The following PRKAG2 variants were observed in gnomAD, a reference collection of about 807,000 sequenced individuals.
The protein encoded by PRKAG2 is 5'-AMP-activated protein kinase subunit gamma-2.
A neutral mutation model predicts 69.6 loss-of-function variants in PRKAG2; 26 were observed. The observed-to-expected ratio is 0.37, with a 90% confidence interval of 0.27 to 0.52. PRKAG2 has a LOEUF of 0.52. Ranked by LOEUF, PRKAG2 falls within the 20% of genes least tolerant of loss-of-function variation. PRKAG2 has a pLI of 0.90. For missense variants in PRKAG2, 557 were observed against 740.0 expected, an observed-to-expected ratio of 0.75 and a Z score of 2.87; for synonymous variants, 293 against 285.0, an observed-to-expected ratio of 1.03 and a Z score of -0.28.
chr7:151,784,990 A>T (rs895695248), intron 2 of PRKAG2, among the ~76,000 whole-genome samples: 1 of 152,236 alleles, frequency 6.6e-6, no homozygotes, highest in African/African-American at 2.4e-5. Flanking sequence ...TGCAGATAAC[A>T]GGCGCCAGCT....
At chr7:151,684,888 G>GT (rs1834484746) in intron 3 of PRKAG2, among the ~76,000 whole-genome samples, 1 of 152,148 alleles carries the variant, frequency 6.6e-6, no homozygotes, top group South Asian at 2.1e-4. Flanking sequence ...CCAGTCCCTG[G>GT]TTTCTCATCA....
chr7:151,609,893 C>G (rs1818366141), intron 5 of PRKAG2, among the ~76,000 whole-genome samples: 1 of 152,230 alleles, frequency 6.6e-6, no homozygotes. Context: ...TTGGGGCTCC[C>G]TCACCACACG....
chr7:151,827,558 T>C (rs935170303), intron 1 of PRKAG2, among the ~76,000 whole-genome samples: 2 of 152,018 alleles, frequency 1.3e-5, no homozygotes, highest in Non-Finnish European at 2.9e-5. Flanking sequence ...GTTTATTAAA[T>C]GTCCCTCAGG....
chr7:151,787,603 T>C (rs1053595096), intron 1 of PRKAG2, among the ~76,000 whole-genome samples: 5 of 152,190 alleles, frequency 3.3e-5, no homozygotes, highest in South Asian at 2.1e-4. Flanking sequence ...CATTCATCAG[T>C]TGATGGACAT....
At chr7:151,720,518 A>C (rs1796880890) in intron 3 of PRKAG2, among the ~76,000 whole-genome samples, 1 of 151,434 alleles carries the variant, frequency 6.6e-6, no homozygotes, top group African/African-American at 2.4e-5. Flanking sequence ...ACAGACCTTG[A>C]CACCCTGAAG....
At chr7:151,617,266 A>AGGAGGGAGGGAGGGAG (rs144872514) in intron 5 of PRKAG2, among the ~76,000 whole-genome samples, 2,523 of 96,216 alleles carry the variant, frequency 0.026, 208 homozygotes, top group African/African-American at 0.11. Context: ...GAGCGAGGGA[A>AGGAGGGAGGGAGGGAG]GGAGGGAGGG....
rs555504862 is a variant in PRKAG2, at chr7:151,633,857, G to GT, written c.685-1720dup. Among the ~76,000 whole-genome samples the GT allele has an allele frequency of 5.6e-4, 85 of 152,014 alleles. 1 individual carries two copies. In the South Asian group the frequency reaches 0.015, roughly 26 times the overall value. ...TTAATGCAATTGCTACCAAATTAGG[G>GT]TTTTTTTTAAAGACATAAATAAGCT... On this transcript the variant is annotated intron_variant, in intron 4 of 15. Coordinates refer to ENST00000287878, the MANE Select transcript of PRKAG2 (RefSeq NM_016203.4).
chr7:151,588,839 G>A (rs116794899), intron 6 of PRKAG2, among the ~76,000 whole-genome samples: 3,806 of 152,244 alleles, frequency 0.025, 136 homozygotes, highest in African/African-American at 0.087. Context: ...TCTCAGGTAT[G>A]TCTTTATTGG....
intron 4 of PRKAG2, among the ~76,000 whole-genome samples, chr7:151,656,430 C>T (rs1400780436): frequency 2.6e-5 from 4 of 152,020 alleles, no homozygotes; most frequent in Admixed American, 2.6e-4. Context: ...GTGGTGTGCA[C>T]CTGTAATCCC....
At chr7:151,577,791 TATG>T (rs777368352) in intron 6 of PRKAG2, among the ~76,000 whole-genome samples, 59 of 152,136 alleles carry the variant, frequency 3.9e-4, no homozygotes, top group Non-Finnish European at 2.9e-4. Context: ...TTAACATAAT[TATG>T]ATGTTTTCAT....
chr7:151,852,603 T>G (rs1586723245), intron 1 of PRKAG2, among the ~76,000 whole-genome samples: 2 of 152,026 alleles, frequency 1.3e-5, no homozygotes, highest in Middle Eastern at 6.8e-3. Context: ...AGCACCCCAT[T>G]GTTAATGGGG....
intron 3 of PRKAG2, among the ~76,000 whole-genome samples, chr7:151,700,750 G>C (rs569862276): frequency 2.1e-3 from 316 of 152,144 alleles, no homozygotes; most frequent in African/African-American, 7.2e-3. Context: ...TAGCTTCCAG[G>C]CTTCCCCTTA....
chr7:151,669,727 TAC>T (rs764721269), intron 4 of PRKAG2, among the ~76,000 whole-genome samples: 1 of 145,352 alleles, frequency 6.9e-6, no homozygotes, highest in African/African-American at 2.5e-5. Context: ...TACCACCACC[TAC>T]ACACACACCT....
intron 3 of PRKAG2, among the ~76,000 whole-genome samples, chr7:151,758,902 TGAG>T (rs893291721): frequency 3.9e-5 from 6 of 152,170 alleles, no homozygotes; most frequent in African/African-American, 1.4e-4. Flanking sequence ...AGGAGGTCTC[TGAG>T]GAGGCGGGAG....
intron 3 of PRKAG2, among the ~76,000 whole-genome samples, chr7:151,730,363 C>A (rs1398647605): frequency 2.0e-5 from 3 of 152,170 alleles, no homozygotes; most frequent in Non-Finnish European, 4.4e-5. Flanking sequence ...CTCCCTACTT[C>A]TGTATTCTTT....
Position 151,632,041 on chromosome 7 carries a change from G to A in PRKAG2, c.754+28C>T. 3 of 1,333,564 alleles carry A rather than the reference G, an allele frequency of 2.2e-6. No homozygotes were observed. Among genetic ancestry groups the A allele is most frequent in the Non-Finnish European group, 1.9e-6 (2 of 1,030,322 alleles). The allele number at this position is 1,333,564 out of a possible 1,614,324, so 82.6% of individuals were successfully genotyped here. On this transcript the variant is annotated intron_variant, in intron 5 of 15. Transcript: ENST00000287878. The surrounding 1 kb of genome is among the most constrained non-coding windows in gnomAD (Gnocchi z 4.2). ...CGGGCGGCCGGGCCGTGGGAGCGCC[G>A]GGCCGGCAGCGGGCGGGGCGCACTC...
chr7:151,623,660 T>C (rs1822107671), intron 5 of PRKAG2, among the ~76,000 whole-genome samples: 1 of 152,218 alleles, frequency 6.6e-6, no homozygotes, highest in African/African-American at 2.4e-5. Flanking sequence ...TATTATTATT[T>C]CCAAGTTACA....
At chr7:151,723,090 G>A (rs184553707) in intron 3 of PRKAG2, among the ~76,000 whole-genome samples, 51 of 152,270 alleles carry the variant, frequency 3.3e-4, no homozygotes, top group Middle Eastern at 3.4e-3. Flanking sequence ...CCACAGCCCC[G>A]GCTCTGAGAG....
chr7:151,783,272 G>A (rs1365030687), intron 2 of PRKAG2, among the ~76,000 whole-genome samples: 1 of 152,264 alleles, frequency 6.6e-6, no homozygotes, highest in East Asian at 1.9e-4. Flanking sequence ...GGCCCGGCAG[G>A]AAGAAGAGTG....
Sources: allele counts gnomAD v4.1 joint callset (sites outside exome capture counted in the v4.1 genomes callset), GRCh38; gene constraint gnomAD v4.1.1; non-coding constraint Gnocchi (gnomAD v3.1); transcripts MANE v1.5; gene names NCBI Gene and HGNC (gene_info 2026-07-23, HGNC 2026-07-21).